GGH: variants seen among roughly 807,000 people sequenced by gnomAD.
The protein encoded by GGH is gamma-glutamyl hydrolase.
A neutral mutation model predicts 39.2 loss-of-function variants in GGH; 18 were observed. The observed-to-expected ratio is 0.46, with a 90% CI of 0.32 to 0.68. The LOEUF (loss-of-function observed/expected upper bound fraction) is 0.68. Ranked by LOEUF, GGH falls within the 30% of genes least tolerant of loss-of-function variation. The probability of loss-of-function intolerance (pLI) is 0.04; values close to 1 mark genes in which losing one functional copy is unlikely to be tolerated. For missense variants in GGH, 367 were observed against 384.1 expected (o/e 0.96, Z 0.37); for synonymous variants, 147 against 138.8 (o/e 1.06, Z -0.42).
chr8:63,027,856 G>T (rs1473868930), intron 3 of GGH, among the ~76,000 whole-genome samples: 2 of 151,466 alleles, frequency 1.3e-5, no homozygotes, highest in Non-Finnish European at 2.9e-5. Flanking sequence ...GGAAAAGAAG[G>T]CAGTCAAAAA....
chr8:63,035,058 T>G (rs1484135817), intron 2 of GGH, among the ~76,000 whole-genome samples: 1 of 151,818 alleles, frequency 6.6e-6, no homozygotes, highest in African/African-American at 2.4e-5. Context: ...ATTATTTTAC[T>G]CCATTACCTT....
At chr8:63,017,418 T>C in intron 8 of GGH, 75 bp downstream of exon 8, 1 of 883,752 alleles carries the variant, frequency 1.1e-6, no homozygotes, top group Non-Finnish European at 1.8e-6. Flanking sequence ...AGCAAAAGGG[T>C]AGGCAAAAGT....
At chr8:63,026,442 T>C in intron 4 of GGH, 146 bp from the exon 5 acceptor site, 1 of 646,552 alleles carries the variant, frequency 1.5e-6, no homozygotes. Flanking sequence ...AGGCTATCAC[T>C]TAATCTCTCT....
chr8:63,033,207 G>T (rs1804837792), intron 2 of GGH, among the ~76,000 whole-genome samples: 1 of 152,198 alleles, frequency 6.6e-6, no homozygotes, highest in Admixed American at 6.5e-5. Flanking sequence ...GTGGTACACT[G>T]TAACAGTTGA....
intron 7 of GGH, 58 bp from the exon 8 acceptor site, chr8:63,017,688 T>C: frequency 9.6e-7 from 1 of 1,039,412 alleles, no homozygotes; most frequent in South Asian, 1.7e-5. Flanking sequence ...TTACTTATAA[T>C]GAAATTGGTT....
intron 8 of GGH, among the ~76,000 whole-genome samples, chr8:63,017,054 G>A (rs1055160299): frequency 3.3e-5 from 5 of 152,120 alleles, no homozygotes; most frequent in Non-Finnish European, 4.4e-5. Flanking sequence ...AGCTTGGTGT[G>A]GTAGTCTGCA....
chr8:63,016,335 T>C (rs888764332), intron 8 of GGH, among the ~76,000 whole-genome samples: 2 of 152,140 alleles, frequency 1.3e-5, no homozygotes, highest in African/African-American at 2.4e-5. Flanking sequence ...TTTTTTAATT[T>C]GGAGTTTTTG....
At chr8:63,032,298 AGT>A (rs1804821347) in intron 2 of GGH, among the ~76,000 whole-genome samples, 1 of 152,110 alleles carries the variant, frequency 6.6e-6, no homozygotes, top group Admixed American at 6.6e-5. Flanking sequence ...AGCCTCCCAA[AGT>A]GCTGGGATAA....
intron 7 of GGH, among the ~76,000 whole-genome samples, chr8:63,019,006 T>TA (rs1401628117): frequency 6.6e-6 from 1 of 152,296 alleles, no homozygotes; most frequent in African/African-American, 2.4e-5. Flanking sequence ...AGAACCCCTG[T>TA]AACAGCAATA....
chr8:63,038,644 C>T lies in GGH; in HGVS notation c.109+16G>A. The T allele has an allele frequency of 6.4e-6, 9 of 1,408,540 alleles. No individual in the cohort carries two copies. The highest frequency in any genetic ancestry group is 8.7e-6 in the Non-Finnish European group (9 of 1,038,046). 87.3% of individuals were successfully genotyped at this position (1,408,540 alleles called of 1,614,324 possible). On this transcript the variant is annotated intron_variant, in intron 1 of 8. Coordinates refer to ENST00000260118, the MANE Select transcript of GGH (RefSeq NM_003878.3). ...AGCTCCTCCCCGTCTGCTGCGGCCC[C>T]GCACAGCCTCCTTACCGATGATGGG...
intron 7 of GGH, among the ~76,000 whole-genome samples, chr8:63,020,040 T>G (rs1044367160): frequency 6.6e-6 from 1 of 152,204 alleles, no homozygotes; most frequent in Non-Finnish European, 1.5e-5. Context: ...AGAAATAAAG[T>G]TTACAGTTTT....
intron 8 of GGH, among the ~76,000 whole-genome samples, chr8:63,015,679 G>C (rs1804475155): frequency 6.6e-6 from 1 of 151,194 alleles, no homozygotes; most frequent in Admixed American, 6.6e-5. Flanking sequence ...AACCAAGGAA[G>C]GGAGGGAGGC....
At chr8:63,022,973 T>C (rs1804620109) in intron 7 of GGH, among the ~76,000 whole-genome samples, 1 of 152,202 alleles carries the variant, frequency 6.6e-6, no homozygotes, top group South Asian at 2.1e-4. Context: ...CAGGTCTGCT[T>C]CCACATCTGT....
At chr8:63,038,614 C>A (rs563081883) in intron 1 of GGH, 46 bp downstream of exon 1, 1 of 1,052,826 alleles carries the variant, frequency 9.5e-7, no homozygotes, top group Non-Finnish European at 1.3e-6. Flanking sequence ...CCAGCGCCAA[C>A]ACCCAGCTCC....
intron 4 of GGH, 107 bp from the exon 5 acceptor site, chr8:63,026,403 TTC>T (rs1585669844): frequency 2.6e-6 from 2 of 772,046 alleles, no homozygotes; most frequent in Middle Eastern, 5.1e-4. Context: ...ACACATGGAT[TTC>T]TGAAGAATTC....
intron 2 of GGH, among the ~76,000 whole-genome samples, chr8:63,030,597 T>C (rs945285038): frequency 3.9e-5 from 6 of 152,192 alleles, no homozygotes; most frequent in Admixed American, 3.9e-4. Context: ...AATAACTTTA[T>C]TTATCATGCC....
At chr8:63,027,294 G>C (rs766890450) in intron 3 of GGH, 29 bp from the exon 4 acceptor site, 19 of 1,267,920 alleles carry the variant, frequency 1.5e-5, no homozygotes, top group Non-Finnish European at 8.1e-6. Context: ...AATCAAATAG[G>C]GTGTATTTTG....
At chr8:63,019,782 C>T (rs912446815) in intron 7 of GGH, among the ~76,000 whole-genome samples, 2 of 152,150 alleles carry the variant, frequency 1.3e-5, no homozygotes, top group Admixed American at 6.5e-5. Context: ...TCCTTTCATC[C>T]GAGGGCTATT....
intron 7 of GGH, among the ~76,000 whole-genome samples, chr8:63,021,040 C>T (rs1181697841): frequency 6.6e-6 from 1 of 152,132 alleles, no homozygotes; most frequent in African/African-American, 2.4e-5. Context: ...ACCCCTTCAG[C>T]CCAGTGAGAA....
Sources: allele counts gnomAD v4.1 joint callset (sites outside exome capture counted in the v4.1 genomes callset), GRCh38; gene constraint gnomAD v4.1.1; transcripts MANE v1.5; gene names NCBI Gene and HGNC (gene_info 2026-07-23, HGNC 2026-07-21).